Variants in DSP observed in about 807,000 individuals in gnomAD.
DSP encodes the protein desmoplakin.
In DSP, 114 loss-of-function variants were observed where a neutral mutation model predicts 290.6. The observed-to-expected ratio is 0.39, with a 90% CI of 0.34 to 0.46. The LOEUF (loss-of-function observed/expected upper bound fraction) is 0.46. Among genes scored for constraint, DSP ranks in the 20% least tolerant of loss-of-function variants. The pLI is 0.99. For missense variants in DSP, 3,230 were observed against 3,495.8 expected (o/e 0.92, Z 1.92); for synonymous variants, 1,311 against 1,316.4 (o/e 1.00, Z 0.09).
intron 3 of DSP, 61 bp downstream of exon 3, chr6:7,558,325 T>A: frequency 6.4e-7 from 1 of 1,573,238 alleles, no homozygotes; most frequent in Non-Finnish European, 8.6e-7. Flanking sequence ...CATAACCAGT[T>A]ACACTCAATT....
Position 7,579,217 on chromosome 6 carries a change from T to G in DSP, c.3085-58T>G, listed in dbSNP as rs1759338173. 1.2e-5 allele frequency: 19 copies of G among 1,601,482 alleles called. No homozygotes were observed. The Admixed American group carries it at 1.7e-4, about 14-fold the overall frequency. ...GGTCTGGGAGGGGAAAAGTACTGCTTCTTTCTTGGAATGTGAGGTGTTTTT... is the reference window on the plus strand; with the variant it reads ...GGTCTGGGAGGGGAAAAGTACTGCTGCTTTCTTGGAATGTGAGGTGTTTTT... On this transcript the variant is annotated intron_variant, in intron 22 of 23. Transcript: ENST00000379802. The surrounding 1 kb of genome is among the most constrained non-coding windows in gnomAD (Gnocchi z 4.1).
At position 7,585,695 on chromosome 6, in the gene DSP, G is replaced by A. The variant is rs753011095; in HGVS notation, c.8433G>A (p.Lys2811=). 9.3e-6 allele frequency: 15 copies of A among 1,614,160 alleles called. No homozygotes were observed. The East Asian group carries it at 3.1e-4, about 34-fold the overall frequency. ...RLLEAASVSS[K]GLPSPYNMSS... is the part of the protein sequence containing the mutation. The stretch of plus-strand genomic sequence containing the variant: ...TGGAAGCCGCCTCCGTGTCGTCCAA[G>A]GGCTTACCCAGCCCTTACAACATGT... The change falls in exon 24 of 24, where the codon AAG becomes AAA. Residue 2811 remains lysine (K), a synonymous_variant. Coordinates refer to ENST00000379802, the MANE Select transcript of DSP (RefSeq NM_004415.4).
intron 16 of DSP, 39 bp downstream of exon 16, chr6:7,574,291 T>C (rs1671010466): frequency 5.0e-6 from 8 of 1,600,242 alleles, no homozygotes; most frequent in Non-Finnish European, 6.8e-6. Flanking sequence ...TTTCCTTTTC[T>C]CAAGCTTCTT....
intron 1 of DSP, among the ~76,000 whole-genome samples, chr6:7,550,318 G>C (rs1052131209): frequency 2.0e-5 from 3 of 151,914 alleles, no homozygotes; most frequent in African/African-American, 7.3e-5. Context: ...GCCTCCCAAA[G>C]TGCTGGGATT....
chr6:7,583,836 A>T lies in DSP; in HGVS notation c.6574A>T (p.Ile2192Phe). Residue 2192 changes from isoleucine to phenylalanine, a missense_variant, in exon 24 of 24, where the codon ATC becomes TTC. Around this residue, in one of 5 missense-constraint regions of DSP, gnomAD observed 1,714 missense variants for 1,844.5 expected, o/e 0.93. Transcript: ENST00000379802. The surrounding 1 kb of genome is among the most constrained non-coding windows in gnomAD (Gnocchi z 4.0). ...CGTGCAGCTGAAGGAACGGTGCAGA[A>T]TCGAACCACATACTGGTCTGCTCTT... ...SYVQLKERCR[I>F]EPHTGLLLLS... The T allele has an allele frequency of 6.2e-7, 1 of 1,614,208 alleles. No individual in the cohort carries two copies. Among genetic ancestry groups the T allele is most frequent in the Non-Finnish European group, 8.5e-7 (1 of 1,180,042 alleles).
In DSP at chr6:7,567,456, A is replaced by T; in HGVS notation, c.1140+7A>T. The T allele has an allele frequency of 6.2e-7, 1 of 1,608,986 alleles. No homozygotes were observed. Among genetic ancestry groups the T allele is most frequent in the East Asian group, 2.2e-5 (1 of 44,860 alleles). Reference sequence around the variant, plus strand: ...AAATGCTGCCTACTTTCAGGTTTTTATATTTAGTGATAATTTTGTTGTTAT... The same window carrying T: ...AAATGCTGCCTACTTTCAGGTTTTTTTATTTAGTGATAATTTTGTTGTTAT... On this transcript the variant is annotated splice_region_variant and intron_variant, in intron 9 of 23. Coordinates refer to ENST00000379802, the MANE Select transcript of DSP (RefSeq NM_004415.4).
At position 7,549,019 on chromosome 6, in the gene DSP, T is replaced by C. The variant is rs889784005; in HGVS notation, c.171-6699T>C. Reference sequence around the variant, plus strand: ...AGGTAGCCAGGTGTGTTTAAACTAATGCAAGAGAGGAGAGGATGCAGAGGT... The same window carrying C: ...AGGTAGCCAGGTGTGTTTAAACTAACGCAAGAGAGGAGAGGATGCAGAGGT... On this transcript the variant is annotated intron_variant, in intron 1 of 23. Transcript: ENST00000379802. 9.9e-5 allele frequency among the ~76,000 whole-genome samples: 15 copies of C among 152,266 alleles called. No individual in the cohort carries two copies. In the East Asian group the frequency reaches 2.9e-3, roughly 29 times the overall value.
At chr6:7,542,889 C>T (rs1048679329) in intron 1 of DSP, among the ~76,000 whole-genome samples, 3 of 151,540 alleles carry the variant, frequency 2.0e-5, no homozygotes, top group African/African-American at 7.3e-5. Flanking sequence ...CCTTGGATCG[C>T]AGAGCGCCGG....
At chr6:7,564,264 G>A (rs1758791848) in intron 6 of DSP, among the ~76,000 whole-genome samples, 1 of 152,214 alleles carries the variant, frequency 6.6e-6, no homozygotes, top group African/African-American at 2.4e-5. Flanking sequence ...TTTTTCTCAA[G>A]ATAGAGGTCT....
rs1581815394 is a variant in DSP, at chr6:7,579,536, T to C, written c.3346T>C (p.Tyr1116His). ...CAATGAGAAGATCACCCGACTGACTTATGAGATTGAAGATGAAAAGAGAAG... is the reference window on the plus strand; with the variant it reads ...CAATGAGAAGATCACCCGACTGACTCATGAGATTGAAGATGAAAAGAGAAG... ...ELNEKITRLT[Y>H]EIEDEKRRRK... The change falls in exon 23 of 24, where the codon TAT becomes CAT. Residue 1116 changes from tyrosine to histidine, a missense_variant. Tyr to His is a moderately conservative substitution (Grantham distance 83, BLOSUM62 2). Around this residue, in one of 5 missense-constraint regions of DSP, gnomAD observed 1,714 missense variants for 1,844.5 expected, o/e 0.93. Transcript: ENST00000379802. This position sits in a 1 kb window ranked among gnomAD's most constrained non-coding sequence, Gnocchi z 4.1. 1.2e-6 allele frequency: 2 copies of C among 1,613,822 alleles called. No homozygotes were observed. The highest frequency in any genetic ancestry group is 1.7e-6 in the Non-Finnish European group (2 of 1,180,016).
Position 7,585,328 on chromosome 6 carries a change from A to T in DSP, c.8066A>T (p.Lys2689Met). ...GACCAAGACATGGCCACCAGGCTGA[A>T]GCCTGCTCAGAAAGCCTTCATAGGC... is the stretch of plus-strand genomic sequence containing the variant. ...VIDQDMATRL[K>M]PAQKAFIGFE... The change falls in exon 24 of 24, where the codon AAG becomes ATG. Residue 2689 changes from lysine to methionine, a missense_variant. Physicochemically the swap from Lys to Met is moderately conservative, Grantham distance 95. Transcript: ENST00000379802. 6.2e-7 allele frequency: 1 copy of T among 1,614,188 alleles called. No homozygotes were observed. Among genetic ancestry groups the T allele is most frequent in the Non-Finnish European group, 8.5e-7 (1 of 1,180,044 alleles).
chr6:7,566,302 T>C, intron 7 of DSP, 75 bp from the exon 8 acceptor site: 1 of 1,244,070 alleles, frequency 8.0e-7, no homozygotes, highest in South Asian at 1.2e-5. Context: ...TATTTCACTT[T>C]TAAAAAGTAC....
At chr6:7,542,795 C>T (rs1758042799) in intron 1 of DSP, among the ~76,000 whole-genome samples, 2 of 152,236 alleles carry the variant, frequency 1.3e-5, no homozygotes, top group Admixed American at 6.5e-5. Context: ...GCCGCAGCCC[C>T]CGCGGGCGAG....
chr6:7,557,013 G>A (rs767387773), intron 2 of DSP, among the ~76,000 whole-genome samples: 7 of 151,802 alleles, frequency 4.6e-5, no homozygotes, highest in Non-Finnish European at 8.8e-5. Context: ...TTGCTTATAT[G>A]CATCAACGTG....
intron 4 of DSP, 171 bp from the exon 5 acceptor site, chr6:7,562,481 G>T: frequency 2.0e-5 from 22 of 1,081,098 alleles, no homozygotes; most frequent in African/African-American, 3.2e-5. Context: ...GGAAGTATTT[G>T]GCAACCCTGC....
Position 7,583,621 on chromosome 6 carries a change from C to A in DSP, c.6359C>A (p.Thr2120Asn). 1 of 1,614,114 alleles carries A rather than the reference C, an allele frequency of 6.2e-7. No individual in the cohort carries two copies. The highest frequency in any genetic ancestry group is 8.5e-7 in the Non-Finnish European group (1 of 1,180,036). ...AIKKNLIDRETGMRLLEAQIA... is the reference protein window; with the variant it reads ...AIKKNLIDRENGMRLLEAQIA... The stretch of plus-strand genomic sequence containing the variant: ...AAGAAAAATTTGATTGATAGAGAAA[C>A]CGGAATGCGCCTGCTGGAAGCCCAG... Residue 2120 changes from threonine (T) to asparagine (N), a missense_variant, in exon 24 of 24, where the codon ACC becomes AAC. Transcript: ENST00000379802. This position sits in a 1 kb window ranked among gnomAD's most constrained non-coding sequence, Gnocchi z 4.0.
intron 19 of DSP, 25 bp from the exon 20 acceptor site, chr6:7,576,934 G>C (rs1759257748): frequency 6.3e-7 from 1 of 1,587,882 alleles, no homozygotes; most frequent in Non-Finnish European, 8.6e-7. Context: ...CATTAACATT[G>C]GTAAATATTT....
At chr6:7,567,257 C>G in intron 8 of DSP, 97 bp from the exon 9 acceptor site, 1 of 966,570 alleles carries the variant, frequency 1.0e-6, no homozygotes, top group African/African-American at 1.6e-5. Flanking sequence ...GAGATAAAAA[C>G]TGCTTACTAG....
In DSP at chr6:7,565,669, C is replaced by A; in HGVS notation, c.939+149C>A. 1 of 1,098,276 alleles carries A rather than the reference C, an allele frequency of 9.1e-7. No homozygotes were observed. Among genetic ancestry groups the A allele is most frequent in the Non-Finnish European group, 1.3e-6 (1 of 754,702 alleles). The allele number at this position is 1,098,276 out of a possible 1,614,324, so 68.0% of individuals were successfully genotyped here. A position where few individuals can be genotyped will look rare whatever the true frequency, so the allele number is the denominator to read the frequency against. ...AAATGGTCGTGAAAAATCCTTCCTT[C>A]CTGAAAACTTCTCCGTGTGGAGGCC... On this transcript the variant is annotated intron_variant, in intron 7 of 23. Transcript: ENST00000379802. This position sits in a 1 kb window ranked among gnomAD's most constrained non-coding sequence, Gnocchi z 4.2.
Sources: gnomAD v4.1 joint callset for allele counts (sites outside exome capture counted in the v4.1 genomes callset) on GRCh38, gnomAD v4.1.1 for gene constraint, gnomAD v4.1.1 regional missense constraint, Gnocchi (gnomAD v3.1) non-coding constraint, MANE v1.5 for transcripts, NCBI Gene and HGNC (gene_info 2026-07-23, HGNC 2026-07-21) for gene names.